EML1: variants seen among roughly 807,000 people sequenced by gnomAD.
EML1 encodes the protein EMAP like 1.
Under a neutral mutation model 110.4 loss-of-function variants are expected in EML1, and 27 were observed. The ratio of observed to expected loss-of-function variants is 0.24; its 90% CI spans 0.18 to 0.34. EML1 has a LOEUF of 0.34. EML1 is among the 10% of genes least tolerant of loss of function. EML1 has a pLI of 1.00. For missense variants in EML1, 741 were observed against 1,030.9 expected, an observed-to-expected ratio of 0.72 and a Z score of 3.85; for synonymous variants, 344 against 385.8, an observed-to-expected ratio of 0.89 and a Z score of 1.27.
chr14:99,754,975 C>T (rs1384474992), intron 1 of EML1, among the ~76,000 whole-genome samples: 1 of 152,242 alleles, frequency 6.6e-6, no homozygotes, highest in Non-Finnish European at 1.5e-5. Context: ...TAAACCTAAC[C>T]AGCTGTAATC....
rs867395685 is a variant in EML1 at position 99,759,838 on chromosome 14, G to T, written c.28+21978G>T. Among the ~76,000 whole-genome samples, 100 of 152,158 alleles carry T rather than the reference G, an allele frequency of 6.6e-4. 1 individual carries two copies. Among genetic ancestry groups the T allele is most frequent in the African/African-American group, 2.3e-3 (96 of 41,442 alleles). On this transcript the variant is annotated intron_variant, in intron 1 of 10. Coordinates refer to the EML1 transcript ENST00000554479. ...ATCAAGAGCTGTGAGACTAGGCCTG[G>T]CATGGTGGCTCACGCCTGTAATCCC...
intron 1 of EML1, among the ~76,000 whole-genome samples, chr14:99,812,110 C>G (rs938656403): frequency 2.0e-5 from 3 of 151,802 alleles, no homozygotes. Flanking sequence ...AGCTAAGCCC[C>G]CTTGGTATTC....
chr14:99,786,061 C>CAAAAAAAAAAAAAAAA (rs56240053), intron 1 of EML1, among the ~76,000 whole-genome samples: 55 of 120,382 alleles, frequency 4.6e-4, no homozygotes, highest in African/African-American at 1.5e-3. Flanking sequence ...CCTGGCTGCT[C>CAAAAAAAAAAAAAAAA]AAAAAAAAAA....
rs139797245 is a variant in EML1 at position 99,760,586 on chromosome 14, C to T, written c.28+22726C>T. Among the ~76,000 whole-genome samples, 552 of 152,236 alleles carry T rather than the reference C, an allele frequency of 3.6e-3. 3 individuals are homozygous for T. The highest frequency in any genetic ancestry group is 4.4e-3 in the Non-Finnish European group (297 of 68,006). ...TGTCACATTCCTAATGGGGGATCAG[C>T]CTGTCCCTCCTCCATACAGCATGCA... On this transcript the variant is annotated intron_variant, in intron 1 of 10. Transcript: ENST00000554479.
At chr14:99,818,282 G>A (rs75910945) in intron 1 of EML1, among the ~76,000 whole-genome samples, 2,849 of 152,272 alleles carry the variant, frequency 0.019, 87 homozygotes, top group African/African-American at 0.065. Context: ...AGTGATGAGA[G>A]TGATGGATAA....
At chr14:99,831,490 T>A (rs1337649160) in intron 1 of EML1, among the ~76,000 whole-genome samples, 6 of 152,230 alleles carry the variant, frequency 3.9e-5, no homozygotes, top group Non-Finnish European at 8.8e-5. Flanking sequence ...CTGTGTGGAA[T>A]CTGGCATCAG....
intron 3 of EML1, among the ~76,000 whole-genome samples, chr14:99,866,361 A>C (rs2059099351): frequency 6.6e-6 from 1 of 152,140 alleles, no homozygotes. Flanking sequence ...ATCTGTGGTC[A>C]GGAGTTCGAG....
upstream of EML1, chr14:99,793,311 G>A (rs1393883919): frequency 5.0e-5 from 43 of 868,164 alleles, no homozygotes; most frequent in Non-Finnish European, 5.9e-5. Context: ...GCGCGGCTGC[G>A]GCGGCGGCGG....
chr14:99,752,191 C>A (rs1326711292), intron 1 of EML1, among the ~76,000 whole-genome samples: 1 of 152,124 alleles, frequency 6.6e-6, no homozygotes, highest in Non-Finnish European at 1.5e-5. Flanking sequence ...CGAGACAGCA[C>A]CAGCAGCATA....
chr14:99,877,832 CCA>C (rs1347902254), intron 3 of EML1, among the ~76,000 whole-genome samples: 2 of 152,164 alleles, frequency 1.3e-5, no homozygotes, highest in Non-Finnish European at 2.9e-5. Flanking sequence ...GGGTCTCCAC[CCA>C]CTACATGGCA....
At chr14:99,917,961 C>T (rs1410893117) in intron 16 of EML1, 112 bp downstream of exon 16, 2 of 995,016 alleles carry the variant, frequency 2.0e-6, no homozygotes, top group East Asian at 2.4e-5. Context: ...ATGTTCGAAG[C>T]TTCTAATGAC....
At chr14:99,924,745 G>A (rs1288740198) in intron 17 of EML1, among the ~76,000 whole-genome samples, 1 of 152,178 alleles carries the variant, frequency 6.6e-6, no homozygotes, top group South Asian at 2.1e-4. Flanking sequence ...TTATCATAGT[G>A]AGAAAGTTCC....
chr14:99,813,515 G>A (rs924646977), intron 1 of EML1, among the ~76,000 whole-genome samples: 1 of 152,128 alleles, frequency 6.6e-6, no homozygotes, highest in East Asian at 1.9e-4. Flanking sequence ...AGGAGTTTGA[G>A]ACCAGCCTAG....
At chr14:99,898,056 ATGAAT>A (rs2059700554) in intron 7 of EML1, among the ~76,000 whole-genome samples, 172 bp from the exon 8 acceptor site, 2 of 152,224 alleles carry the variant, frequency 1.3e-5, no homozygotes. Context: ...TTAAGATGAA[ATGAAT>A]TAGGTACTAG....
In EML1 at chr14:99,850,860, C is replaced by T; in HGVS notation, c.75C>T (p.Ser25=). ...SSLLQFCNDD[S]ASAASSMEVT... is the part of the protein sequence containing the mutation. ...ATCCTTTCTTTGGTTTAGATGACAGCGCTTCTGCTGCAAGTAGCATGGAGG... is the reference window on the plus strand; with the variant it reads ...ATCCTTTCTTTGGTTTAGATGACAGTGCTTCTGCTGCAAGTAGCATGGAGG... Residue 25 remains serine, a synonymous_variant, in exon 2 of 22, where the codon AGC becomes AGT. Coordinates refer to ENST00000262233, the MANE Select transcript of EML1 (RefSeq NM_004434.3). The T allele has an allele frequency of 9.9e-6, 16 of 1,613,200 alleles. No homozygotes were observed. The highest frequency in any genetic ancestry group is 3.3e-5 in the Admixed American group (2 of 59,976).
chr14:99,808,914 C>G (rs2058026577), intron 1 of EML1, among the ~76,000 whole-genome samples: 1 of 152,208 alleles, frequency 6.6e-6, no homozygotes, highest in South Asian at 2.1e-4. Context: ...TAAAATACTA[C>G]TTTATCATAT....
At chr14:99,759,795 C>T (rs543945378) in intron 1 of EML1, among the ~76,000 whole-genome samples, 35 of 152,264 alleles carry the variant, frequency 2.3e-4, no homozygotes, top group Admixed American at 3.9e-4. Flanking sequence ...ACCTGGAAAA[C>T]GCTCTTTGCG....
chr14:99,824,474 A>T (rs1339635631), intron 1 of EML1, among the ~76,000 whole-genome samples: 1 of 151,246 alleles, frequency 6.6e-6, no homozygotes, highest in African/African-American at 2.4e-5. Flanking sequence ...TGCAAATCAA[A>T]ATCACAATAA....
chr14:99,893,462 A>G (rs1294092205), intron 5 of EML1, among the ~76,000 whole-genome samples: 1 of 152,170 alleles, frequency 6.6e-6, no homozygotes, highest in African/African-American at 2.4e-5. Flanking sequence ...CTCTCACTCA[A>G]CGTCAGCCTT....
Sources: allele counts gnomAD v4.1 joint callset (sites outside exome capture counted in the v4.1 genomes callset), GRCh38; gene constraint gnomAD v4.1.1; transcripts MANE v1.5; gene names NCBI Gene and HGNC (gene_info 2026-07-23, HGNC 2026-07-21).